Variants in CFAP65 observed in about 807,000 individuals in gnomAD.
The protein encoded by CFAP65 is cilia- and flagella-associated protein 65.
Under a neutral mutation model 208.0 loss-of-function variants are expected in CFAP65, and 155 were observed. That is an observed-to-expected ratio of 0.75 (90% CI 0.65 to 0.85). The LOEUF (loss-of-function observed/expected upper bound fraction) is 0.85, where lower values mean the gene tolerates loss of function less well. CFAP65 is among the 40% of genes least tolerant of loss of function. CFAP65 has a pLI of 0.00. For missense variants in CFAP65, 2,294 were observed against 2,451.3 expected, an observed-to-expected ratio of 0.94 and a Z score of 1.36; for synonymous variants, 970 against 986.3, an observed-to-expected ratio of 0.98 and a Z score of 0.31.
chr2:219,030,797 C>T lies in CFAP65; in HGVS notation c.1053G>A (p.Lys351=). The T allele has an allele frequency of 6.2e-7, 1 of 1,614,186 alleles. No homozygotes were observed. The highest frequency in any genetic ancestry group is 2.2e-5 in the East Asian group (1 of 44,876). ...CAQLLVSIKH[K]CPEDQDAEGF... is the part of the protein sequence containing the mutation. ...CCTCGGCATCCTGGTCCTCCGGGCA[C>T]TTGTGCTTTATGCTCACCAGCAGCT... The change falls in exon 9 of 35, where the codon AAG becomes AAA. Residue 351 remains lysine (K), a synonymous_variant. Transcript: ENST00000341552.
chr2:219,019,264 C>G (rs1205274826), intron 20 of CFAP65, 85 bp from the exon 21 acceptor site: 8 of 1,485,488 alleles, frequency 5.4e-6, no homozygotes, highest in East Asian at 4.6e-5. Flanking sequence ...GGGCACTCCC[C>G]TCCCTCCAAG....
chr2:219,016,265 T>C (rs953752008), intron 21 of CFAP65, among the ~76,000 whole-genome samples: 1 of 151,588 alleles, frequency 6.6e-6, no homozygotes, highest in Non-Finnish European at 1.5e-5. Flanking sequence ...CCTCACTGCC[T>C]TCTGCCCTGG....
intron 22 of CFAP65, 79 bp downstream of exon 22, chr2:219,013,789 C>T (rs1173515606): frequency 7.2e-7 from 1 of 1,380,618 alleles, no homozygotes; most frequent in Non-Finnish European, 1.0e-6. Context: ...TTTGGGGTGC[C>T]CTGGAGTCAT....
At chr2:219,010,522 C>G (rs767297098) in intron 26 of CFAP65, 24 bp downstream of exon 26, 1 of 1,601,488 alleles carries the variant, frequency 6.2e-7, no homozygotes, top group Admixed American at 1.7e-5. Flanking sequence ...AGGCCTCAGG[C>G]CTTCCTAGCT....
At chr2:219,018,967 G>A (rs773084945) in intron 21 of CFAP65, 84 bp downstream of exon 21, 22 of 1,573,662 alleles carry the variant, frequency 1.4e-5, no homozygotes, top group African/African-American at 8.1e-5. Flanking sequence ...AGGCCACCAC[G>A]GGCAAGAGAG....
intron 16 of CFAP65, 35 bp downstream of exon 16, chr2:219,023,172 G>A (rs772581712): frequency 2.6e-6 from 4 of 1,547,592 alleles, no homozygotes; most frequent in Non-Finnish European, 1.8e-6. Context: ...CAGAAGTGAA[G>A]GTTGCCGTCA....
intron 14 of CFAP65, 126 bp from the exon 15 acceptor site, chr2:219,024,386 C>A: frequency 8.6e-7 from 1 of 1,162,958 alleles, no homozygotes; most frequent in Non-Finnish European, 1.2e-6. Context: ...CCCTGCAGCC[C>A]AGTCAACGCC....
chr2:219,015,246 G>T (rs1043753806), intron 21 of CFAP65: 1 of 146,898 alleles, frequency 6.8e-6, no homozygotes, highest in Non-Finnish European at 1.5e-5. Context: ...ACACACTTGA[G>T]AGGAAGTGCA....
chr2:219,009,235 G>A (rs992186950), intron 28 of CFAP65, 81 bp from the exon 29 acceptor site: 43 of 1,485,294 alleles, frequency 2.9e-5, no homozygotes, highest in Non-Finnish European at 3.8e-5. Context: ...TCCCTTCCAA[G>A]GGCTGACTTC....
chr2:219,030,531 T>TGAG (rs2106228190), intron 9 of CFAP65, among the ~76,000 whole-genome samples, 158 bp downstream of exon 9: 1 of 152,318 alleles, frequency 6.6e-6, no homozygotes, highest in East Asian at 1.9e-4. Flanking sequence ...AGCCCCCAGC[T>TGAG]GAGGAGAAGG....
intron 21 of CFAP65, among the ~76,000 whole-genome samples, chr2:219,017,307 G>A (rs1946960107): frequency 6.6e-6 from 1 of 152,250 alleles, no homozygotes. Flanking sequence ...GTAAAGCAGA[G>A]GCGCGAAGGG....
rs1291820068 is a variant in CFAP65, at chr2:219,030,100, C to T, written c.1270G>A (p.Val424Met). 1 of 1,614,152 alleles carries T rather than the reference C, an allele frequency of 6.2e-7. No individual in the cohort carries two copies. The highest frequency in any genetic ancestry group is 1.1e-5 in the South Asian group (1 of 91,086). ...GTCTTGGGGTGGAAGAACACCGACACACATTTCTTCTCTCCCGGAAGCACG... is the reference window on the plus strand; with the variant it reads ...GTCTTGGGGTGGAAGAACACCGACATACATTTCTTCTCTCCCGGAAGCACG... Reference protein sequence around the residue: ...GIVLPGEKKCVSVFFHPKTLD... With the variant: ...GIVLPGEKKCMSVFFHPKTLD... The change falls in exon 10 of 35, where the codon GTG becomes ATG. Residue 424 changes from valine (V) to methionine (M), a missense_variant. Val to Met is a conservative substitution (Grantham distance 21). Around this residue, in one of 2 missense-constraint regions of CFAP65, gnomAD observed 867 missense variants for 1,012.6 expected, o/e 0.86. Coordinates refer to ENST00000341552, the MANE Select transcript of CFAP65 (RefSeq NM_194302.4).
intron 21 of CFAP65, chr2:219,015,160 C>A (rs1559129563): frequency 6.7e-6 from 1 of 149,600 alleles, no homozygotes; most frequent in Admixed American, 6.7e-5. Flanking sequence ...GCGTGCAACA[C>A]ACACCTGAGG....
At position 219,010,482 on chromosome 2, in the gene CFAP65, G is replaced by C. The variant is rs550364663; in HGVS notation, c.4308+64C>G. The C allele has an allele frequency of 5.3e-5, 81 of 1,538,228 alleles. No homozygotes were observed. In the African/African-American group the frequency reaches 9.2e-4, roughly 18 times the overall value. ...TCCCAGCCTCCCCATCCTTCTGTCTGGCCACCCTGGGCTCTGAGGCTCTCC... is the reference window on the plus strand; with the variant it reads ...TCCCAGCCTCCCCATCCTTCTGTCTCGCCACCCTGGGCTCTGAGGCTCTCC... On this transcript the variant is annotated intron_variant, in intron 26 of 34. Coordinates refer to ENST00000341552, the MANE Select transcript of CFAP65 (RefSeq NM_194302.4).
In CFAP65 at chr2:219,027,122, A is replaced by G. The variant is rs537802443; in HGVS notation, c.2211+528T>C. ...CAAGAAGGAAGGGATGGGCAGGACTAACGGATGAGGAGGGGGCACCACGCA... is the reference window on the plus strand; with the variant it reads ...CAAGAAGGAAGGGATGGGCAGGACTGACGGATGAGGAGGGGGCACCACGCA... On this transcript the variant is annotated intron_variant, in intron 13 of 34. Coordinates refer to ENST00000341552, the MANE Select transcript of CFAP65 (RefSeq NM_194302.4). The G allele has an allele frequency of 8.2e-5, 89 of 1,087,898 alleles. No homozygotes were observed. The African/African-American group carries it at 1.4e-3, about 17-fold the overall frequency. The allele number at this position is 1,087,898 out of a possible 1,614,324, so 67.4% of individuals were successfully genotyped here. A position where few individuals can be genotyped will look rare whatever the true frequency, so the allele number is the denominator to read the frequency against.
At position 219,041,421 on chromosome 2, in the gene CFAP65, A is replaced by G; in HGVS notation, c.-49+67T>C. ...AAGGATAGGGTCTCCCGGGACAGATACCTTCCCTGGCCACTCGCGCCGCTC... is the reference window on the plus strand; with the variant it reads ...AAGGATAGGGTCTCCCGGGACAGATGCCTTCCCTGGCCACTCGCGCCGCTC... On this transcript the variant is annotated intron_variant, in intron 1 of 34. Transcript: ENST00000341552. 5 of 1,518,362 alleles carry G rather than the reference A, an allele frequency of 3.3e-6. No individual in the cohort carries two copies. The South Asian group carries it at 4.8e-5, about 15-fold the overall frequency. The allele number at this position is 1,518,362 out of a possible 1,614,324, so 94.1% of individuals were successfully genotyped here. A position where few individuals can be genotyped will look rare whatever the true frequency, so the allele number is the denominator to read the frequency against.
chr2:219,040,997 A>G (rs927741468), intron 1 of CFAP65, among the ~76,000 whole-genome samples: 9 of 152,232 alleles, frequency 5.9e-5, no homozygotes, highest in African/African-American at 1.9e-4. Context: ...ATTAACAACC[A>G]TAACTTTCCC....
rs1312465848 is a variant in CFAP65, at chr2:219,024,199, T to A, written c.2411A>T (p.Asp804Val). 4.3e-6 allele frequency: 7 copies of A among 1,613,818 alleles called. No homozygotes were observed. The highest frequency in any genetic ancestry group is 5.9e-6 in the Non-Finnish European group (7 of 1,179,982). The change falls in exon 15 of 35, where the codon GAC (aspartate) becomes GTC (valine). Residue 804 changes from aspartate (D) to valine (V), a missense_variant. Coordinates refer to ENST00000341552, the MANE Select transcript of CFAP65 (RefSeq NM_194302.4). The stretch of plus-strand genomic sequence containing the variant: ...CAGGCTGAAGGTCAGCAGCTTGCAG[T>A]CTTTGTTGACCAGGAGCAGGCTGCG... ...TYRSLLLVNKDCKLLTFSLAP... is the reference protein window; with the variant it reads ...TYRSLLLVNKVCKLLTFSLAP...
At chr2:219,034,738 T>G (rs1244357473) in intron 5 of CFAP65, 1 of 152,198 alleles carries the variant, frequency 6.6e-6, no homozygotes, top group Non-Finnish European at 1.5e-5. Context: ...ATTTCACACA[T>G]GAAGAAATGC....
Sources: allele counts gnomAD v4.1 joint callset (sites outside exome capture counted in the v4.1 genomes callset), GRCh38; gene constraint gnomAD v4.1.1; regional missense constraint gnomAD v4.1.1; transcripts MANE v1.5; gene names NCBI Gene and HGNC (gene_info 2026-07-23, HGNC 2026-07-21).